The following AP3B1 variants were observed in gnomAD, a reference collection of about 807,000 sequenced individuals.
AP3B1 encodes the protein AP-3 complex subunit beta-1.
Under a neutral mutation model 132.5 loss-of-function variants are expected in AP3B1, and 61 were observed. The ratio of observed to expected loss-of-function variants is 0.46; its 90% CI spans 0.37 to 0.57. The LOEUF is 0.57. Among genes scored for constraint, AP3B1 ranks in the 20% least tolerant of loss-of-function variants. The pLI is 0.00. For synonymous variants in AP3B1, 388 were observed against 438.3 expected (o/e 0.89, Z 1.43); for missense variants, 1,120 against 1,289.4 (o/e 0.87, Z 2.01).
intron 2 of AP3B1, among the ~76,000 whole-genome samples, chr5:78,255,887 A>T (rs1288139137): frequency 2.0e-5 from 3 of 152,134 alleles, no homozygotes; most frequent in Non-Finnish European, 2.9e-5. Context: ...AAATAATTGC[A>T]TCTTCTCTAA....
chr5:78,193,453 T>C (rs938566926), intron 7 of AP3B1, among the ~76,000 whole-genome samples: 2 of 151,836 alleles, frequency 1.3e-5, no homozygotes, highest in Non-Finnish European at 2.9e-5. Flanking sequence ...TAAAAATAAA[T>C]GAATTTGAAA....
intron 2 of AP3B1, among the ~76,000 whole-genome samples, chr5:78,265,584 GTC>G (rs754370136): frequency 3.9e-5 from 6 of 152,174 alleles, no homozygotes; most frequent in Non-Finnish European, 7.4e-5. Flanking sequence ...TCCTTTCTAA[GTC>G]TGGATCAGCT....
At chr5:78,272,599 A>T (rs767415193) in intron 1 of AP3B1, among the ~76,000 whole-genome samples, 12 of 152,240 alleles carry the variant, frequency 7.9e-5, no homozygotes, top group Non-Finnish European at 1.6e-4. Flanking sequence ...AGAAACAACA[A>T]ACATAATAAA....
chr5:78,212,157 G>A (rs1745766905), intron 7 of AP3B1, among the ~76,000 whole-genome samples: 1 of 152,158 alleles, frequency 6.6e-6, no homozygotes, highest in Non-Finnish European at 1.5e-5. Flanking sequence ...GCACATGTCT[G>A]TAATTCCACC....
intron 11 of AP3B1, among the ~76,000 whole-genome samples, chr5:78,173,523 T>A (rs919737817): frequency 5.9e-5 from 9 of 151,752 alleles, no homozygotes; most frequent in South Asian, 2.1e-4. Flanking sequence ...GGCCTTCTGA[T>A]CTTTGTTGGT....
intron 22 of AP3B1, among the ~76,000 whole-genome samples, chr5:78,065,130 G>C (rs190954204): frequency 3.2e-4 from 49 of 152,272 alleles, no homozygotes; most frequent in Admixed American, 1.4e-3. Flanking sequence ...CAAGGGAGGT[G>C]GTGAGTGATT....
chr5:78,250,018 T>C (rs1747563158), intron 2 of AP3B1, among the ~76,000 whole-genome samples: 2 of 152,238 alleles, frequency 1.3e-5, no homozygotes, highest in African/African-American at 4.8e-5. Context: ...TCAACAAATT[T>C]CTGCAGGGGT....
chr5:78,007,844 A>T lies in AP3B1; in HGVS notation c.3132-4789T>A, dbSNP rs2112037478. 2.0e-5 allele frequency among the ~76,000 whole-genome samples: 3 copies of T among 152,348 alleles called. No homozygotes were observed. The East Asian group carries it at 5.8e-4, about 29-fold the overall frequency. ...TGAATTAATAGTGAAGGACAAAAAA[A>T]GCATTTACACGTGATTTAGTTTTAG... On this transcript the variant is annotated intron_variant, in intron 26 of 26. Transcript: ENST00000255194.
intron 1 of AP3B1, among the ~76,000 whole-genome samples, chr5:78,282,798 G>A (rs574302226): frequency 6.6e-6 from 1 of 151,166 alleles, no homozygotes; most frequent in Admixed American, 6.6e-5. Context: ...GACGGCTTGA[G>A]CCCAGGAGTT....
At chr5:78,152,490 T>C (rs1266830008) in intron 14 of AP3B1, among the ~76,000 whole-genome samples, 2 of 152,214 alleles carry the variant, frequency 1.3e-5, no homozygotes, top group Non-Finnish European at 2.9e-5. Flanking sequence ...TAGCCACTAA[T>C]GATCCTTTGA....
intron 22 of AP3B1, among the ~76,000 whole-genome samples, chr5:78,057,154 T>C (rs982234362): frequency 1.3e-5 from 2 of 152,212 alleles, no homozygotes; most frequent in African/African-American, 4.8e-5. Flanking sequence ...TTCCGAGATT[T>C]CCCACGGCAT....
rs868211815 is a variant in AP3B1, at chr5:78,168,226, C to T, written c.1168-2554G>A. Among the ~76,000 whole-genome samples, 492 of 127,988 alleles carry T rather than the reference C, an allele frequency of 3.8e-3. 5 individuals carry two copies. Among genetic ancestry groups the T allele is most frequent in the African/African-American group, 0.014 (425 of 31,160 alleles). The allele number at this position is 127,988 out of a possible 152,430, so 84.0% of individuals were successfully genotyped here. Reference sequence around the variant, plus strand: ...CTTTTAGACAACTTTTTTCTTTTTTCTTTTTTTTTTTTTTTGAGACAAGGT... The same window carrying T: ...CTTTTAGACAACTTTTTTCTTTTTTTTTTTTTTTTTTTTTTGAGACAAGGT... On this transcript the variant is annotated intron_variant, in intron 11 of 26. Coordinates refer to ENST00000255194, the MANE Select transcript of AP3B1 (RefSeq NM_003664.5).
chr5:78,142,893 T>G (rs1753214431), intron 14 of AP3B1, among the ~76,000 whole-genome samples: 1 of 152,148 alleles, frequency 6.6e-6, no homozygotes, highest in Admixed American at 6.6e-5. Context: ...AAGAGGTTAT[T>G]TCTAACGTTC....
At chr5:78,233,309 C>T (rs532363266) in intron 3 of AP3B1, among the ~76,000 whole-genome samples, 1 of 151,706 alleles carries the variant, frequency 6.6e-6, no homozygotes, top group Non-Finnish European at 1.5e-5. Context: ...TCTCAGCTCA[C>T]CGCAACCTCC....
intron 7 of AP3B1, among the ~76,000 whole-genome samples, chr5:78,208,988 T>C (rs186450997): frequency 1.0e-3 from 157 of 152,058 alleles, no homozygotes; most frequent in Middle Eastern, 6.8e-3. Flanking sequence ...AATAGAAGAA[T>C]GACAAATTCT....
intron 26 of AP3B1, among the ~76,000 whole-genome samples, chr5:78,012,618 G>A (rs1746665410): frequency 6.6e-6 from 1 of 152,206 alleles, no homozygotes; most frequent in South Asian, 2.1e-4. Flanking sequence ...CTATTCTTAA[G>A]TATCTACAGG....
At chr5:78,163,310 G>C (rs1743463932) in intron 12 of AP3B1, among the ~76,000 whole-genome samples, 2 of 151,918 alleles carry the variant, frequency 1.3e-5, no homozygotes, top group African/African-American at 4.8e-5. Flanking sequence ...TCATTTACCA[G>C]CAGCATCTGT....
chr5:78,114,087 T>C (rs1751719024), intron 18 of AP3B1, among the ~76,000 whole-genome samples, 164 bp from the exon 19 acceptor site: 1 of 152,200 alleles, frequency 6.6e-6, no homozygotes, highest in Non-Finnish European at 1.5e-5. Flanking sequence ...CTTTCAGCTC[T>C]ATGGATTCCT....
At chr5:78,140,096 C>T (rs1220103109) in intron 15 of AP3B1, among the ~76,000 whole-genome samples, 1 of 152,112 alleles carries the variant, frequency 6.6e-6, no homozygotes, top group Non-Finnish European at 1.5e-5. Context: ...CAGGTAAGTC[C>T]ACTCACAGAG....
Sources: gnomAD v4.1 joint callset for allele counts (sites outside exome capture counted in the v4.1 genomes callset) on GRCh38, gnomAD v4.1.1 for gene constraint, MANE v1.5 for transcripts, NCBI Gene and HGNC (gene_info 2026-07-23, HGNC 2026-07-21) for gene names.